Variants in ADAMTS2 observed in about 807,000 individuals in gnomAD.
ADAMTS2 encodes the protein ADAM metallopeptidase with thrombospondin type 1 motif 2, also known as A disintegrin and metalloproteinase with thrombospondin motifs 2.
Under a neutral mutation model 123.0 loss-of-function variants are expected in ADAMTS2, and 50 were observed. The observed-to-expected ratio is 0.41, with a 90% CI of 0.32 to 0.51. The LOEUF is 0.51. ADAMTS2 is among the 20% of genes least tolerant of loss of function. The pLI is 0.35. For synonymous variants in ADAMTS2, 678 were observed against 695.4 expected, an observed-to-expected ratio of 0.98 and a Z score of 0.39; for missense variants, 1,494 against 1,705.2, an observed-to-expected ratio of 0.88 and a Z score of 2.18.
intron 4 of ADAMTS2, among the ~76,000 whole-genome samples, chr5:179,182,905 G>A (rs751759253): frequency 2.0e-5 from 3 of 152,156 alleles, no homozygotes; most frequent in Non-Finnish European, 2.9e-5. Context: ...TGACAAGATG[G>A]AGCTCCGAGG....
chr5:179,156,506 C>T (rs1160727803), intron 6 of ADAMTS2, among the ~76,000 whole-genome samples: 1 of 151,962 alleles, frequency 6.6e-6, no homozygotes, highest in Non-Finnish European at 1.5e-5. Flanking sequence ...ACTACAGGCA[C>T]CCGCCACCAT....
chr5:179,124,219 G>A (rs148241392), intron 19 of ADAMTS2, among the ~76,000 whole-genome samples: 1 of 152,282 alleles, frequency 6.6e-6, no homozygotes, highest in East Asian at 1.9e-4. Flanking sequence ...GTCTTGGGGA[G>A]CCCCTGACAC....
intron 2 of ADAMTS2, among the ~76,000 whole-genome samples, chr5:179,326,352 A>G (rs1757320376): frequency 6.6e-6 from 1 of 151,948 alleles, no homozygotes; most frequent in Non-Finnish European, 1.5e-5. Flanking sequence ...GGCCTCTTCC[A>G]GTAAACATCT....
chr5:179,339,129 CCTCTT>C (rs1425363250), intron 2 of ADAMTS2, among the ~76,000 whole-genome samples: 5 of 152,200 alleles, frequency 3.3e-5, no homozygotes, highest in African/African-American at 1.2e-4. Context: ...ATGATAGGCC[CCTCTT>C]CATTCCAGAG....
chr5:179,189,388 C>T lies in ADAMTS2; in HGVS notation c.892-8233G>A, dbSNP rs1231012382. 1.3e-5 allele frequency among the ~76,000 whole-genome samples: 2 copies of T among 151,114 alleles called. No homozygotes were observed. The highest frequency in any genetic ancestry group is 2.9e-5 in the Non-Finnish European group (2 of 67,824). ...TTTGAGACGGAGTCTCTCTCTGTTG[C>T]CCAGGTTGGAGTGCAGTGGCATGAT... On this transcript the variant is annotated intron_variant, in intron 4 of 21. Transcript: ENST00000251582. This position sits in a 1 kb window ranked among gnomAD's most constrained non-coding sequence, Gnocchi z 4.2.
intron 2 of ADAMTS2, among the ~76,000 whole-genome samples, chr5:179,289,418 T>C (rs1278198121): frequency 1.3e-5 from 2 of 151,958 alleles, no homozygotes; most frequent in African/African-American, 4.8e-5. Flanking sequence ...GTAAAAGAAA[T>C]GATGAGATAG....
chr5:179,174,848 A>G (rs4701074), intron 5 of ADAMTS2, among the ~76,000 whole-genome samples: 692 of 38,614 alleles, frequency 0.018, no homozygotes, highest in Middle Eastern at 0.15. Context: ...ATTCTTGACC[A>G]TTCATGTTCC....
intron 6 of ADAMTS2, among the ~76,000 whole-genome samples, chr5:179,157,651 A>C (rs1429692101): frequency 6.6e-6 from 1 of 151,848 alleles, no homozygotes; most frequent in African/African-American, 2.4e-5. Flanking sequence ...GACTACAGGC[A>C]TCCACCACCA....
rs1156552773 is a variant in ADAMTS2 at position 179,189,441 on chromosome 5, A to G, written c.892-8286T>C. 7.0e-6 allele frequency among the ~76,000 whole-genome samples: 1 copy of G among 141,902 alleles called. No individual in the cohort carries two copies. Among genetic ancestry groups the G allele is most frequent in the Non-Finnish European group, 1.5e-5 (1 of 66,458 alleles). The allele number at this position is 141,902 out of a possible 152,430, so 93.1% of individuals were successfully genotyped here. A position where few individuals can be genotyped will look rare whatever the true frequency, so the allele number is the denominator to read the frequency against. ...CAGCTCACTGCCAGCTCCACCTCCC[A>G]GGTTCATGCCATTCTCTTGCCTCAG... On this transcript the variant is annotated intron_variant, in intron 4 of 21. Coordinates refer to ENST00000251582, the MANE Select transcript of ADAMTS2 (RefSeq NM_014244.5). This position sits in a 1 kb window ranked among gnomAD's most constrained non-coding sequence, Gnocchi z 4.2.
At chr5:179,230,397 G>A (rs1224630498) in intron 3 of ADAMTS2, among the ~76,000 whole-genome samples, 1 of 152,196 alleles carries the variant, frequency 6.6e-6, no homozygotes, top group East Asian at 1.9e-4. Flanking sequence ...AGGGTGTGCA[G>A]GTCTGGTGGT....
At chr5:179,150,068 G>A (rs1297877408) in intron 10 of ADAMTS2, among the ~76,000 whole-genome samples, 1 of 152,162 alleles carries the variant, frequency 6.6e-6, no homozygotes, top group African/African-American at 2.4e-5. Flanking sequence ...AAAAGCAGGG[G>A]GCAATCAGCT....
intron 10 of ADAMTS2, among the ~76,000 whole-genome samples, chr5:179,149,200 G>T (rs537699763): frequency 6.6e-6 from 1 of 152,312 alleles, no homozygotes; most frequent in Admixed American, 6.5e-5. Flanking sequence ...AGCGTTAGGT[G>T]ATGGCCCTCA....
In ADAMTS2 at chr5:179,237,993, C is replaced by A. The variant is rs1372790166; in HGVS notation, c.689-30278G>T. 4.6e-5 allele frequency among the ~76,000 whole-genome samples: 7 copies of A among 152,160 alleles called. 1 individual carries two copies. Among genetic ancestry groups the A allele is most frequent in the Admixed American group, 1.3e-4 (2 of 15,286 alleles). On this transcript the variant is annotated intron_variant, in intron 3 of 21. Transcript: ENST00000251582. ...CAGTTACTTAACCAGAACTTGGGGT[C>A]CCCCTGCCCCGCCCCACGGAGGCCT...
chr5:179,267,842 G>A (rs566189243), intron 3 of ADAMTS2, among the ~76,000 whole-genome samples: 38 of 152,278 alleles, frequency 2.5e-4, no homozygotes, highest in East Asian at 2.3e-3. Context: ...CCTGGCCAGC[G>A]TCCTTGTGCC....
intron 2 of ADAMTS2, among the ~76,000 whole-genome samples, chr5:179,321,017 C>T (rs562002334): frequency 1.3e-4 from 20 of 152,194 alleles, no homozygotes; most frequent in Non-Finnish European, 2.8e-4. Context: ...GATCCAGCCA[C>T]ACCTGAAGCT....
At chr5:179,289,111 G>GC (rs1756111683) in intron 2 of ADAMTS2, among the ~76,000 whole-genome samples, 1 of 152,024 alleles carries the variant, frequency 6.6e-6, no homozygotes, top group Non-Finnish European at 1.5e-5. Flanking sequence ...ACAGGACTGC[G>GC]CCCCTCCTGC....
At position 179,343,952 on chromosome 5, in the gene ADAMTS2, C is replaced by G. The variant is rs1326053465; in HGVS notation, c.349G>C (p.Gly117Arg). ...SHLFYNVTVF[G>R]RDLHLRLRPN... ...CGCAGCCGCAGGTGCAGGTCTCGGC[C>G]AAAGACCGTGACATTGTAGAAGAGG... The change falls in exon 2 of 22, where the codon GGC (glycine) becomes CGC (arginine). Residue 117 changes from glycine to arginine, a missense_variant. Physicochemically the swap from Gly to Arg is moderately radical, Grantham distance 125 (BLOSUM62 -2). This residue lies in a region of ADAMTS2 where 237 missense variants were observed against 233.7 expected (regional missense o/e 1.01). Coordinates refer to ENST00000251582, the MANE Select transcript of ADAMTS2 (RefSeq NM_014244.5). 1 of 1,611,838 alleles carries G rather than the reference C, an allele frequency of 6.2e-7. No homozygotes were observed. Among genetic ancestry groups the G allele is most frequent in the Non-Finnish European group, 8.5e-7 (1 of 1,179,634 alleles).
At chr5:179,305,114 A>C (rs1756635916) in intron 2 of ADAMTS2, among the ~76,000 whole-genome samples, 1 of 152,162 alleles carries the variant, frequency 6.6e-6, no homozygotes, top group African/African-American at 2.4e-5. Context: ...AATACACTTC[A>C]AGAATTAAGG....
rs183308964 is a variant in ADAMTS2 at position 179,338,190 on chromosome 5, G to A, written c.534+5577C>T. ...GGCTGAGACCAGTGCTGACTATGCCGGCCTTCATGAGGGGCTGGGAGCCGG... is the reference window on the plus strand; with the variant it reads ...GGCTGAGACCAGTGCTGACTATGCCAGCCTTCATGAGGGGCTGGGAGCCGG... On this transcript the variant is annotated intron_variant, in intron 2 of 21. Transcript: ENST00000251582. 3.0e-4 allele frequency among the ~76,000 whole-genome samples: 45 copies of A among 152,276 alleles called. 1 individual carries two copies. The highest frequency in any genetic ancestry group is 8.2e-4 in the African/African-American group (34 of 41,562).
Sources: allele counts gnomAD v4.1 joint callset (sites outside exome capture counted in the v4.1 genomes callset), GRCh38; gene constraint gnomAD v4.1.1; regional missense constraint gnomAD v4.1.1; non-coding constraint Gnocchi (gnomAD v3.1); transcripts MANE v1.5; gene names NCBI Gene and HGNC (gene_info 2026-07-23, HGNC 2026-07-21).